DNAH7: variants seen among roughly 807,000 people sequenced by gnomAD.
DNAH7 encodes the protein axonemal beta dynein heavy chain 7.
Under a neutral mutation model 444.6 loss-of-function variants are expected in DNAH7, and 397 were observed. The ratio of observed to expected loss-of-function variants is 0.89; its 90% CI spans 0.82 to 0.97. The LOEUF (loss-of-function observed/expected upper bound fraction) is 0.97, where lower values mean the gene tolerates loss of function less well. DNAH7 is among the 50% of genes least tolerant of loss of function. DNAH7 has a pLI of 0.00. For synonymous variants in DNAH7, 1,636 were observed against 1,624.4 expected (o/e 1.01, Z -0.17); for missense variants, 4,902 against 4,800.8 (o/e 1.02, Z -0.62).
intron 30 of DNAH7, 25 bp from the exon 31 acceptor site, chr2:195,891,829 T>C: frequency 6.5e-7 from 1 of 1,531,672 alleles, no homozygotes; most frequent in Non-Finnish European, 8.8e-7. Context: ...AAAACATTTA[T>C]TTATGTAAAG....
In DNAH7 at chr2:195,886,148, A is replaced by G. The variant is rs939956737; in HGVS notation, c.5531T>C (p.Leu1844Ser). The G allele has an allele frequency of 2.5e-6, 4 of 1,612,956 alleles. No homozygotes were observed. Among genetic ancestry groups the G allele is most frequent in the Middle Eastern group, 1.7e-4 (1 of 6,058 alleles). Residue 1844 changes from leucine (L) to serine (S), a missense_variant, in exon 34 of 65, where the codon TTG becomes TCG. Leu to Ser is a moderately radical substitution (Grantham distance 145). Coordinates refer to ENST00000312428, the MANE Select transcript of DNAH7 (RefSeq NM_018897.3). ...KERNDRETYS[L>S]LEGIFLFSLI... ...GAAGGCAACGGACCTTACCTCAAGC[A>G]AAGAGTAAGTTTCTCGATCATTTCT...
At chr2:195,756,359 C>A in intron 61 of DNAH7, 74 bp from the exon 62 acceptor site, 2 of 1,258,676 alleles carry the variant, frequency 1.6e-6, no homozygotes, top group Non-Finnish European at 2.1e-6. Context: ...CTTTTAAATA[C>A]CTCCTTCATG....
At chr2:195,800,575 C>T (rs1170555864) in intron 54 of DNAH7, among the ~76,000 whole-genome samples, 1 of 152,144 alleles carries the variant, frequency 6.6e-6, no homozygotes, top group Admixed American at 6.5e-5. Context: ...TAACATGTAA[C>T]GGATCTTTTT....
intron 17 of DNAH7, among the ~76,000 whole-genome samples, chr2:195,962,971 T>C (rs1270691671): frequency 6.6e-6 from 1 of 152,218 alleles, no homozygotes; most frequent in African/African-American, 2.4e-5. Context: ...GGCTGAATAG[T>C]ACACCATCGT....
intron 6 of DNAH7, 103 bp from the exon 7 acceptor site, chr2:196,027,043 T>C: frequency 1.2e-6 from 1 of 812,500 alleles, no homozygotes; most frequent in Non-Finnish European, 1.9e-6. Context: ...GAACAAAGTA[T>C]TTATAAAGCA....
At chr2:195,874,600 T>TAAA (rs35476343) in intron 38 of DNAH7, among the ~76,000 whole-genome samples, 180 of 140,834 alleles carry the variant, frequency 1.3e-3, no homozygotes, top group African/African-American at 3.9e-3. Flanking sequence ...GTCTTTTATT[T>TAAA]AAAAAAAAAA....
chr2:195,964,680 C>A (rs2125546215), intron 17 of DNAH7, among the ~76,000 whole-genome samples: 1 of 140,396 alleles, frequency 7.1e-6, no homozygotes, highest in Middle Eastern at 3.8e-3. Context: ...GCCTGGCCAA[C>A]ATGGTAACAC....
chr2:195,826,818 A>G (rs1000986552), intron 48 of DNAH7, among the ~76,000 whole-genome samples: 4 of 152,184 alleles, frequency 2.6e-5, no homozygotes, highest in Non-Finnish European at 5.9e-5. Context: ...CTGAAAGGAC[A>G]GTGTATCTAA....
At chr2:196,019,040 A>G (rs189953441) in intron 9 of DNAH7, 130 bp downstream of exon 9, 2 of 1,037,650 alleles carry the variant, frequency 1.9e-6, no homozygotes, top group East Asian at 6.5e-5. Context: ...ATTTAAAACC[A>G]TGTTTGAATA....
intron 18 of DNAH7, among the ~76,000 whole-genome samples, chr2:195,958,943 C>A (rs1690887468): frequency 6.6e-6 from 1 of 152,214 alleles, no homozygotes; most frequent in East Asian, 1.9e-4. Context: ...ATAACATAGT[C>A]ATAAGGAAGA....
At chr2:195,980,440 T>A (rs973312098) in intron 15 of DNAH7, among the ~76,000 whole-genome samples, 1 of 152,212 alleles carries the variant, frequency 6.6e-6, no homozygotes, top group Non-Finnish European at 1.5e-5. Flanking sequence ...CAGTCTCAGG[T>A]ATTTCTTCAT....
chr2:195,891,911 T>C (rs1386569102), intron 30 of DNAH7, 107 bp from the exon 31 acceptor site: 5 of 908,198 alleles, frequency 5.5e-6, no homozygotes, highest in South Asian at 3.0e-5. Flanking sequence ...AAGAAAGTAT[T>C]AGAAGTAGTG....
At position 195,775,886 on chromosome 2, in the gene DNAH7, G is replaced by C; in HGVS notation, c.11162C>G (p.Ser3721Ter). The C allele has an allele frequency of 6.2e-7, 1 of 1,614,134 alleles. No individual in the cohort carries two copies. The highest frequency in any genetic ancestry group is 8.5e-7 in the Non-Finnish European group (1 of 1,180,008). Residue 3721 changes from serine to a stop codon, truncating the protein, a stop_gained, in exon 60 of 65, where the codon TCA becomes TGA. Transcript: ENST00000312428. LOFTEE classifies it high-confidence loss of function. ...GTTATCAAATAGCAGCTGAGTTTCT[G>C]ACTGATCCTTAGTGATATCTGCATT... is the stretch of plus-strand genomic sequence containing the variant. ...NANADITKDQ[S>*]ETQLLFDNIL...
At chr2:195,839,845 C>T (rs143582054) in intron 47 of DNAH7, among the ~76,000 whole-genome samples, 59 of 151,884 alleles carry the variant, frequency 3.9e-4, no homozygotes, top group Non-Finnish European at 8.0e-4. Flanking sequence ...AGACCTGTTA[C>T]TATTTCAAAA....
Position 195,754,385 on chromosome 2 carries a change from C to G in DNAH7, c.11716G>C (p.Asp3906His), listed in dbSNP as rs373127506. The change falls in exon 63 of 65, where the codon GAC becomes CAC. Residue 3906 changes from aspartate to histidine, a missense_variant. Asp to His is a moderately conservative substitution (Grantham distance 81, BLOSUM62 -1). Coordinates refer to ENST00000312428, the MANE Select transcript of DNAH7 (RefSeq NM_018897.3). The stretch of plus-strand genomic sequence containing the variant: ...TCTTTGTCTTCCATCACTTCATAGT[C>G]AAACCCAAGAAGATCAATAGGAATT... ...YTIPIDLLGF[D>H]YEVMEDKEYK... The G allele has an allele frequency of 6.2e-7, 1 of 1,613,984 alleles. No homozygotes were observed. Among genetic ancestry groups the G allele is most frequent in the South Asian group, 1.1e-5 (1 of 91,072 alleles).
At chr2:195,905,590 C>G (rs1376707232) in intron 27 of DNAH7, 2 of 152,018 alleles carry the variant, frequency 1.3e-5, no homozygotes, top group African/African-American at 4.8e-5. Flanking sequence ...GGTTTTGGAT[C>G]CACAATTACT....
chr2:195,940,070 T>C (rs1574831926), intron 19 of DNAH7, among the ~76,000 whole-genome samples: 1 of 152,074 alleles, frequency 6.6e-6, no homozygotes, highest in African/African-American at 2.4e-5. Context: ...GCCAAAACAA[T>C]CCTAAGCAAA....
At chr2:195,937,236 T>G (rs116092154) in intron 19 of DNAH7, among the ~76,000 whole-genome samples, 1 of 152,308 alleles carries the variant, frequency 6.6e-6, no homozygotes, top group African/African-American at 2.4e-5. Context: ...CCCTGTTTTA[T>G]AACTACAGAG....
intron 28 of DNAH7, among the ~76,000 whole-genome samples, chr2:195,898,778 A>C (rs1686510304): frequency 6.6e-6 from 1 of 152,236 alleles, no homozygotes; most frequent in East Asian, 1.9e-4. Flanking sequence ...GTTTAAGAAA[A>C]CTCACATTAG....
Sources: gnomAD v4.1 joint callset for allele counts (sites outside exome capture counted in the v4.1 genomes callset) on GRCh38, gnomAD v4.1.1 for gene constraint, MANE v1.5 for transcripts, NCBI Gene and HGNC (gene_info 2026-07-23, HGNC 2026-07-21) for gene names.